The following SCHIP1 variants were observed in gnomAD, a reference collection of about 807,000 sequenced individuals.
The protein encoded by SCHIP1 is schwannomin-interacting protein 1.
SCHIP1 carries 8 observed loss-of-function variants against 29.7 expected under a neutral mutation model. That is an observed-to-expected ratio of 0.27 (90% CI 0.16 to 0.49). The LOEUF is 0.49. Among genes scored for constraint, SCHIP1 ranks in the 20% least tolerant of loss-of-function variants. The pLI, the probability that SCHIP1 is intolerant of heterozygous loss-of-function variation, is 0.99. For missense variants in SCHIP1, 193 were observed against 294.6 expected (o/e 0.66, Z 2.52); for synonymous variants, 76 against 94.9 (o/e 0.80, Z 1.16).
At chr3:159,487,404 C>T in the SCHIP1 span, among the ~76,000 whole-genome samples, 3 of 152,028 alleles carry the variant, frequency 2.0e-5, no homozygotes, top group African/African-American at 7.3e-5. Context: ...TTGGATGTTC[C>T]CCACATTGGT....
chr3:159,742,777 C>T, the SCHIP1 span, among the ~76,000 whole-genome samples: 1 of 151,630 alleles, frequency 6.6e-6, no homozygotes, highest in African/African-American at 2.4e-5. Flanking sequence ...AAGCAATTTT[C>T]CTGCCTCAGC....
the SCHIP1 span, among the ~76,000 whole-genome samples, chr3:159,467,501 A>G: frequency 6.6e-6 from 1 of 152,052 alleles, no homozygotes; most frequent in African/African-American, 2.4e-5. Context: ...AAGACTTAAA[A>G]AAAAAAATAA....
At chr3:159,497,659 G>A in the SCHIP1 span, among the ~76,000 whole-genome samples, 1 of 151,774 alleles carries the variant, frequency 6.6e-6, no homozygotes, top group Non-Finnish European at 1.5e-5. Context: ...AAGAAGGCAG[G>A]AAGGGTGAGA....
chr3:159,369,393 T>C, the SCHIP1 span, among the ~76,000 whole-genome samples: 4 of 152,174 alleles, frequency 2.6e-5, no homozygotes, highest in Non-Finnish European at 4.4e-5. Context: ...TTCATTGTGG[T>C]ATGTATTCTT....
At chr3:159,768,722 T>G in the SCHIP1 span, 1 of 152,268 alleles carries the variant, frequency 6.6e-6, no homozygotes, top group African/African-American at 2.4e-5. Flanking sequence ...GACTGGATCC[T>G]TGCTCCATCT....
the SCHIP1 span, among the ~76,000 whole-genome samples, chr3:159,450,055 C>T: frequency 5.3e-5 from 8 of 152,134 alleles, no homozygotes; most frequent in Non-Finnish European, 1.0e-4. Flanking sequence ...GTAAACTGTA[C>T]ATCTTTCTTA....
At chr3:159,337,297 T>G in the SCHIP1 span, among the ~76,000 whole-genome samples, 40 of 152,258 alleles carry the variant, frequency 2.6e-4, no homozygotes, top group African/African-American at 8.7e-4. Context: ...AAGACAGGGA[T>G]GCCCTCTCTC....
the SCHIP1 span, among the ~76,000 whole-genome samples, chr3:159,645,016 C>G: frequency 6.6e-6 from 1 of 152,102 alleles, no homozygotes; most frequent in Non-Finnish European, 1.5e-5. Context: ...ATACAAGCAT[C>G]CCCCAGAAGT....
At chr3:159,556,442 C>A in the SCHIP1 span, among the ~76,000 whole-genome samples, 6 of 152,044 alleles carry the variant, frequency 3.9e-5, no homozygotes, top group Non-Finnish European at 7.4e-5. Flanking sequence ...GATTATAAAT[C>A]ATGCTGCTAT....
the SCHIP1 span, among the ~76,000 whole-genome samples, chr3:159,778,583 T>C: frequency 1.3e-5 from 2 of 152,194 alleles, no homozygotes; most frequent in Non-Finnish European, 2.9e-5. Context: ...ATAAGTAATA[T>C]ATCCTCACAG....
At chr3:159,770,447 C>T in the SCHIP1 span, among the ~76,000 whole-genome samples, 48 of 152,106 alleles carry the variant, frequency 3.2e-4, no homozygotes, top group South Asian at 1.5e-3. Context: ...TTTGTAGAGA[C>T]GGGGTGTCAC....
the SCHIP1 span, among the ~76,000 whole-genome samples, chr3:159,560,805 T>C: frequency 2.0e-5 from 3 of 152,210 alleles, no homozygotes; most frequent in Non-Finnish European, 4.4e-5. Flanking sequence ...GCAGCACCAC[T>C]GGGCTTGTTG....
At chr3:159,809,060 A>G in the SCHIP1 span, among the ~76,000 whole-genome samples, 1 of 150,380 alleles carries the variant, frequency 6.6e-6, no homozygotes, top group African/African-American at 2.5e-5. Context: ...ATAGGTATAC[A>G]TGTGCCATGT....
At chr3:159,784,284 T>C in the SCHIP1 span, among the ~76,000 whole-genome samples, 2 of 152,366 alleles carry the variant, frequency 1.3e-5, no homozygotes, top group East Asian at 3.9e-4. Flanking sequence ...CATCTGGTCA[T>C]GGGTTAGCAG....
At chr3:159,498,928 AT>A in the SCHIP1 span, among the ~76,000 whole-genome samples, 1 of 152,266 alleles carries the variant, frequency 6.6e-6, no homozygotes, top group South Asian at 2.1e-4. Context: ...TATCTGTGCA[AT>A]TATACATTCT....
chr3:159,621,249 C>T, the SCHIP1 span, among the ~76,000 whole-genome samples: 2 of 152,294 alleles, frequency 1.3e-5, no homozygotes, highest in South Asian at 4.1e-4. Flanking sequence ...AAGACTTGTA[C>T]ATGTTTCAAA....
At chr3:159,452,090 C>T in the SCHIP1 span, among the ~76,000 whole-genome samples, 4 of 151,192 alleles carry the variant, frequency 2.6e-5, no homozygotes, top group African/African-American at 9.7e-5. Flanking sequence ...CCTAATTTCA[C>T]TTAGCTGTAA....
chr3:159,534,928 A>G, the SCHIP1 span, among the ~76,000 whole-genome samples: 1 of 152,108 alleles, frequency 6.6e-6, no homozygotes, highest in Non-Finnish European at 1.5e-5. Flanking sequence ...AATCTGACAA[A>G]CATTTCGCAG....
At chr3:159,490,185 G>A in the SCHIP1 span, among the ~76,000 whole-genome samples, 1 of 152,170 alleles carries the variant, frequency 6.6e-6, no homozygotes, top group African/African-American at 2.4e-5. Flanking sequence ...TCAAGTCAGT[G>A]TATTTGGACT....
Sources: gnomAD v4.1 joint callset for allele counts (sites outside exome capture counted in the v4.1 genomes callset) on GRCh38, gnomAD v4.1.1 for gene constraint, MANE v1.5 for transcripts, NCBI Gene and HGNC (gene_info 2026-07-23, HGNC 2026-07-21) for gene names.